The following ADAMTSL1 variants were observed in gnomAD, a reference collection of about 807,000 sequenced individuals.
The protein encoded by ADAMTSL1 is ADAMTS like 1, also known as ADAMTS-like protein 1.
ADAMTSL1 carries 126 observed loss-of-function variants against 201.8 expected under a neutral mutation model. The ratio of observed to expected loss-of-function variants is 0.62; its 90% CI spans 0.54 to 0.72. The LOEUF is 0.72. Among genes scored for constraint, ADAMTSL1 ranks in the 30% least tolerant of loss-of-function variants. The pLI is 0.00. For synonymous variants in ADAMTSL1, 1,121 were observed against 903.4 expected, an observed-to-expected ratio of 1.24 and a Z score of -4.32; for missense variants, 2,679 against 2,277.8, an observed-to-expected ratio of 1.18 and a Z score of -3.59.
chr9:18,875,224 T>C lies in ADAMTSL1; in HGVS notation c.4250-12607T>C, dbSNP rs114835931. Among the ~76,000 whole-genome samples, 1,142 of 152,252 alleles carry C rather than the reference T, an allele frequency of 7.5e-3. 22 individuals are homozygous for C. Among genetic ancestry groups the C allele is most frequent in the African/African-American group, 0.026 (1,081 of 41,564 alleles). Reference sequence around the variant, plus strand: ...TTTAAAGAAACAGCTTTTTGTTTCATTTATCTATTTTTTGTTTCAATTTCA... The same window carrying C: ...TTTAAAGAAACAGCTTTTTGTTTCACTTATCTATTTTTTGTTTCAATTTCA... On this transcript the variant is annotated intron_variant, in intron 23 of 28. Transcript: ENST00000380548.
intron 1 of ADAMTSL1, among the ~76,000 whole-genome samples, chr9:17,939,995 C>A (rs1827170058): frequency 6.6e-6 from 1 of 151,930 alleles, no homozygotes; most frequent in South Asian, 2.1e-4. Flanking sequence ...TAGAGAACAG[C>A]ATTGCAGAGG....
At chr9:18,425,201 C>T (rs1483473310) in intron 2 of ADAMTSL1, among the ~76,000 whole-genome samples, 2 of 151,852 alleles carry the variant, frequency 1.3e-5, no homozygotes, top group South Asian at 2.1e-4. Flanking sequence ...CCCACTTCAT[C>T]TTCTCTCCCT....
chr9:18,221,320 C>T (rs1021266954), intron 2 of ADAMTSL1, among the ~76,000 whole-genome samples: 15 of 152,174 alleles, frequency 9.9e-5, no homozygotes, highest in African/African-American at 3.4e-4. Flanking sequence ...GTTTCTTTAA[C>T]ATGAAGATTT....
rs141760829 is a variant in ADAMTSL1, at chr9:17,967,737, A to G, written c.87+60815A>G. Reference sequence around the variant, plus strand: ...GATTCATAGAGGTCTTTTGTGTCCTATTGAGGATGGTAACTGCTTTTCTGA... The same window carrying G: ...GATTCATAGAGGTCTTTTGTGTCCTGTTGAGGATGGTAACTGCTTTTCTGA... On this transcript the variant is annotated intron_variant, in intron 1 of 29. Transcript: ENST00000680146. Among the ~76,000 whole-genome samples, 4 of 152,098 alleles carry G rather than the reference A, an allele frequency of 2.6e-5. No homozygotes were observed. In the East Asian group the frequency reaches 5.8e-4, roughly 22 times the overall value.
chr9:18,295,599 A>G (rs535077828), intron 2 of ADAMTSL1, among the ~76,000 whole-genome samples: 23 of 152,184 alleles, frequency 1.5e-4, no homozygotes, highest in Non-Finnish European at 2.9e-4. Flanking sequence ...CGGCCTCCCA[A>G]AGTGTTGGGA....
chr9:18,783,096 C>T (rs886147582), intron 19 of ADAMTSL1, among the ~76,000 whole-genome samples: 1 of 152,130 alleles, frequency 6.6e-6, no homozygotes, highest in African/African-American at 2.4e-5. Flanking sequence ...GATTGGAAGT[C>T]GGGGGCTAGT....
At chr9:18,487,981 A>T (rs1342581090) in intron 1 of ADAMTSL1, among the ~76,000 whole-genome samples, 1 of 152,202 alleles carries the variant, frequency 6.6e-6, no homozygotes, top group Non-Finnish European at 1.5e-5. Flanking sequence ...TGGCATTTTT[A>T]AAAGGGTTCG....
At chr9:18,708,085 C>A (rs1435698368) in intron 14 of ADAMTSL1, among the ~76,000 whole-genome samples, 1 of 152,206 alleles carries the variant, frequency 6.6e-6, no homozygotes, top group Non-Finnish European at 1.5e-5. Flanking sequence ...TCTGTTTTCT[C>A]AGCAAAGATT....
intron 1 of ADAMTSL1, among the ~76,000 whole-genome samples, chr9:18,496,446 C>G (rs1822539003): frequency 6.6e-6 from 1 of 152,182 alleles, no homozygotes; most frequent in Non-Finnish European, 1.5e-5. Flanking sequence ...TAAACCACAT[C>G]CCGCATCCCA....
chr9:18,711,778 T>G (rs1355776745), intron 14 of ADAMTSL1, among the ~76,000 whole-genome samples: 1 of 151,970 alleles, frequency 6.6e-6, no homozygotes, highest in Non-Finnish European at 1.5e-5. Flanking sequence ...CTCTGTAGGC[T>G]CCACCTCTGG....
In ADAMTSL1 at chr9:18,001,722, G is replaced by A. The variant is rs369591604; in HGVS notation, c.87+94800G>A. 1.2e-3 allele frequency among the ~76,000 whole-genome samples: 178 copies of A among 152,108 alleles called. 1 individual carries two copies. The highest frequency in any genetic ancestry group is 4.1e-3 in the African/African-American group (169 of 41,530). Reference sequence around the variant, plus strand: ...TGAAGAACCATGGTGATTTTGTAAAGAAGGGATTTGAGGGAGCAGAGGTTG... The same window carrying A: ...TGAAGAACCATGGTGATTTTGTAAAAAAGGGATTTGAGGGAGCAGAGGTTG... On this transcript the variant is annotated intron_variant, in intron 1 of 29. Transcript: ENST00000680146.
At chr9:18,533,718 A>G (rs1819584234) in intron 3 of ADAMTSL1, among the ~76,000 whole-genome samples, 1 of 152,262 alleles carries the variant, frequency 6.6e-6, no homozygotes, top group Non-Finnish European at 1.5e-5. Context: ...ACACCAGTAC[A>G]AGAATAAATA....
At chr9:18,695,583 A>G (rs1020177563) in intron 13 of ADAMTSL1, among the ~76,000 whole-genome samples, 2 of 152,162 alleles carry the variant, frequency 1.3e-5, no homozygotes, top group African/African-American at 4.8e-5. Context: ...TTCAAGTTCA[A>G]GGTTCAAGGT....
chr9:18,293,449 A>G (rs2132693433), intron 2 of ADAMTSL1, among the ~76,000 whole-genome samples: 1 of 152,322 alleles, frequency 6.6e-6, no homozygotes, highest in Admixed American at 6.5e-5. Context: ...AATTGACTAG[A>G]CCAGCAGTCA....
chr9:18,521,269 G>T (rs1209984901), intron 2 of ADAMTSL1, among the ~76,000 whole-genome samples: 3 of 152,020 alleles, frequency 2.0e-5, no homozygotes, highest in African/African-American at 7.2e-5. Context: ...GCAGAGAGGA[G>T]GGGCCTCAAA....
chr9:18,025,144 T>C lies in ADAMTSL1; in HGVS notation c.87+118222T>C, dbSNP rs916433353. Among the ~76,000 whole-genome samples the C allele has an allele frequency of 3.9e-5, 6 of 152,166 alleles. No individual in the cohort carries two copies. The South Asian group carries it at 6.2e-4, about 16-fold the overall frequency. ...CTTGCTGAATTGTTTATGTTCCTTA[T>C]GGATCCTGGCTATTAGACCTTTGTC... On this transcript the variant is annotated intron_variant, in intron 1 of 29. Transcript: ENST00000680146.
rs557130543 is a variant in ADAMTSL1 at position 18,606,768 on chromosome 9, C to A, written c.475-15475C>A. Among the ~76,000 whole-genome samples the A allele has an allele frequency of 5.3e-5, 8 of 152,262 alleles. No homozygotes were observed. In the East Asian group the frequency reaches 1.5e-3, roughly 29 times the overall value. On this transcript the variant is annotated intron_variant, in intron 4 of 28. Transcript: ENST00000380548. ...TCATAAACACCACAATTCCTTCCCC[C>A]CCAGTTTTCTTATTTATTGCCTCTT...
At position 18,428,657 on chromosome 9, in the gene ADAMTSL1, C is replaced by A. The variant is rs1227790774; in HGVS notation, c.208-76172C>A. ...AAAAACACAATTGGAACATATCAAA[C>A]AGTAGCATGTAAATAGAAGAAGGCA... On this transcript the variant is annotated intron_variant, in intron 2 of 29. Transcript: ENST00000680146. Among the ~76,000 whole-genome samples, 5 of 152,026 alleles carry A rather than the reference C, an allele frequency of 3.3e-5. No individual in the cohort carries two copies. In the South Asian group the frequency reaches 1.0e-3, roughly 32 times the overall value.
intron 2 of ADAMTSL1, among the ~76,000 whole-genome samples, chr9:18,238,858 A>T (rs911490631): frequency 1.3e-5 from 2 of 152,204 alleles, no homozygotes; most frequent in African/African-American, 4.8e-5. Context: ...TTACTCTCCT[A>T]GCACTTTTGA....
Sources: gnomAD v4.1 joint callset for allele counts (sites outside exome capture counted in the v4.1 genomes callset) on GRCh38, gnomAD v4.1.1 for gene constraint, MANE v1.5 for transcripts, NCBI Gene and HGNC (gene_info 2026-07-23, HGNC 2026-07-21) for gene names.